IDE: variants seen among roughly 807,000 people sequenced by gnomAD.
The protein encoded by IDE is insulin degrading enzyme.
IDE carries 58 observed loss-of-function variants against 133.2 expected under a neutral mutation model. The ratio of observed to expected loss-of-function variants is 0.44; its 90% CI spans 0.35 to 0.54. IDE has a LOEUF of 0.54. Among genes scored for constraint, IDE ranks in the 20% least tolerant of loss-of-function variants. The pLI is 0.00. For missense variants in IDE, 981 were observed against 1,234.0 expected (o/e 0.79, Z 3.07); for synonymous variants, 396 against 421.3 (o/e 0.94, Z 0.73).
At chr10:92,510,589 G>A (rs907366811) in intron 5 of IDE, among the ~76,000 whole-genome samples, 4 of 151,262 alleles carry the variant, frequency 2.6e-5, no homozygotes, top group East Asian at 3.9e-4. Flanking sequence ...TTTTTGACAC[G>A]TATGAAGGAC....
intron 1 of IDE, among the ~76,000 whole-genome samples, chr10:92,560,300 A>C (rs979781526): frequency 6.6e-6 from 1 of 152,184 alleles, no homozygotes; most frequent in Admixed American, 6.5e-5. Flanking sequence ...CCCAGTGTCA[A>C]CGTTCCTATC....
chr10:92,534,136 T>C (rs1227793303), intron 3 of IDE, among the ~76,000 whole-genome samples: 1 of 152,192 alleles, frequency 6.6e-6, no homozygotes. Flanking sequence ...CTAATGGAGC[T>C]TGCTCCAGAA....
chr10:92,492,836 ACTGT>A (rs1209230475), intron 11 of IDE, among the ~76,000 whole-genome samples: 1 of 152,118 alleles, frequency 6.6e-6, no homozygotes, highest in African/African-American at 2.4e-5. Context: ...AGTCTGAACT[ACTGT>A]CTATTTTTTA....
intron 4 of IDE, among the ~76,000 whole-genome samples, 189 bp from the exon 5 acceptor site, chr10:92,515,231 C>T (rs937096544): frequency 5.3e-5 from 8 of 150,950 alleles, no homozygotes; most frequent in African/African-American, 1.5e-4. Flanking sequence ...ACATTTTAAA[C>T]TATAGTCGTC....
rs1289257439 is a variant in IDE at position 92,452,770 on chromosome 10, T to A, written c.*1674A>T. On this transcript the variant is annotated 3_prime_UTR_variant, in exon 25 of 25. Transcript: ENST00000265986. The stretch of plus-strand genomic sequence containing the variant: ...CAGGCCTAATTTCAGATCTGTCTTG[T>A]ATATACTTGCAGTTTAATGAAAAGC... 6.6e-6 allele frequency: 1 copy of A among 151,858 alleles called. No homozygotes were observed. The highest frequency in any genetic ancestry group is 2.4e-5 in the African/African-American group (1 of 41,456). The allele number at this position is 151,858 out of a possible 1,614,324, so 9.4% of individuals were successfully genotyped here. A position where few individuals can be genotyped will look rare whatever the true frequency, so the allele number is the denominator to read the frequency against.
At chr10:92,509,124 T>A (rs1365123613) in intron 6 of IDE, among the ~76,000 whole-genome samples, 1 of 152,208 alleles carries the variant, frequency 6.6e-6, no homozygotes, top group African/African-American at 2.4e-5. Context: ...CAGCTAAATA[T>A]TAATGGTTTT....
At chr10:92,478,788 G>A (rs1026000728) in intron 15 of IDE, 13 of 1,209,514 alleles carry the variant, frequency 1.1e-5, no homozygotes, top group East Asian at 6.0e-5. Context: ...TAAATGTAGC[G>A]ACTAACAAAA....
At chr10:92,475,741 T>A in intron 16 of IDE, 143 bp downstream of exon 16, 1 of 469,488 alleles carries the variant, frequency 2.1e-6, no homozygotes, top group African/African-American at 2.0e-5. Flanking sequence ...GATTTTGCAA[T>A]GACAAGGTGA....
chr10:92,498,320 A>G (rs1186011790), intron 11 of IDE, among the ~76,000 whole-genome samples: 1 of 152,202 alleles, frequency 6.6e-6, no homozygotes, highest in Non-Finnish European at 1.5e-5. Context: ...ACTGGAAGGA[A>G]TCTTAAAGAT....
intron 1 of IDE, among the ~76,000 whole-genome samples, chr10:92,556,934 A>C (rs1016373789): frequency 1.3e-5 from 2 of 151,944 alleles, no homozygotes; most frequent in Non-Finnish European, 1.5e-5. Flanking sequence ...AAAAAAAAAA[A>C]AAAAAACTTA....
Position 92,499,594 on chromosome 10 carries a change from T to C in IDE, c.1430+5200A>G, listed in dbSNP as rs929718558. Reference sequence around the variant, plus strand: ...ACTACAGGCACGTACCACCACACCCTGCTAATTTGCATACTTTTTTAGAGA... The same window carrying C: ...ACTACAGGCACGTACCACCACACCCCGCTAATTTGCATACTTTTTTAGAGA... On this transcript the variant is annotated intron_variant, in intron 11 of 24. Transcript: ENST00000265986. Among the ~76,000 whole-genome samples the C allele has an allele frequency of 4.6e-5, 7 of 151,888 alleles. No homozygotes were observed. The South Asian group carries it at 6.2e-4, about 14-fold the overall frequency.
At chr10:92,482,092 C>A (rs1312816107) in intron 14 of IDE, among the ~76,000 whole-genome samples, 1 of 152,174 alleles carries the variant, frequency 6.6e-6, no homozygotes, top group African/African-American at 2.4e-5. Context: ...TCACTATAAT[C>A]TCAACATATT....
chr10:92,520,030 G>T (rs750675845), intron 4 of IDE, among the ~76,000 whole-genome samples: 1 of 152,108 alleles, frequency 6.6e-6, no homozygotes, highest in African/African-American at 2.4e-5. Flanking sequence ...GCTTGAACCT[G>T]GGAGGTGGAG....
At chr10:92,520,995 C>T (rs1019413948) in intron 4 of IDE, among the ~76,000 whole-genome samples, 4 of 151,972 alleles carry the variant, frequency 2.6e-5, no homozygotes, top group African/African-American at 9.7e-5. Flanking sequence ...AATTAGTCAC[C>T]CTGAAGGATG....
intron 4 of IDE, among the ~76,000 whole-genome samples, chr10:92,530,853 G>A (rs1488862701): frequency 6.6e-6 from 1 of 152,114 alleles, no homozygotes; most frequent in Non-Finnish European, 1.5e-5. Context: ...ACATTAGGAT[G>A]ATATCCAAAC....
chr10:92,491,621 T>G (rs537356748), intron 11 of IDE, among the ~76,000 whole-genome samples: 19 of 151,126 alleles, frequency 1.3e-4, no homozygotes, highest in Non-Finnish European at 2.2e-4. Context: ...TTTTGTTTTT[T>G]TTTTTTGAGT....
chr10:92,564,976 T>G (rs982524757), intron 1 of IDE, among the ~76,000 whole-genome samples: 1 of 152,010 alleles, frequency 6.6e-6, no homozygotes, highest in South Asian at 2.1e-4. Flanking sequence ...CCAGGTGTGC[T>G]GGCTCATGCC....
chr10:92,475,444 A>G (rs1353261990), intron 16 of IDE, among the ~76,000 whole-genome samples: 1 of 152,212 alleles, frequency 6.6e-6, no homozygotes, highest in East Asian at 1.9e-4. Context: ...TACTTCCATT[A>G]CTGGGCCAAA....
At chr10:92,548,867 T>C (rs1842654771) in intron 1 of IDE, among the ~76,000 whole-genome samples, 1 of 152,176 alleles carries the variant, frequency 6.6e-6, no homozygotes. Context: ...CATATGGCAA[T>C]GACTAGAGGC....
Sources: allele counts gnomAD v4.1 joint callset (sites outside exome capture counted in the v4.1 genomes callset), GRCh38; gene constraint gnomAD v4.1.1; transcripts MANE v1.5; gene names NCBI Gene and HGNC (gene_info 2026-07-23, HGNC 2026-07-21).